ALG8: variants seen among roughly 807,000 people sequenced by gnomAD.
The protein encoded by ALG8 is dolichyl pyrophosphate Glc1Man9GlcNAc2 alpha-1,3-glucosyltransferase.
Under a neutral mutation model 70.2 loss-of-function variants are expected in ALG8, and 48 were observed. The observed-to-expected ratio is 0.68, with a 90% CI of 0.54 to 0.87. The LOEUF (loss-of-function observed/expected upper bound fraction) is 0.87, where lower values mean the gene tolerates loss of function less well. Ranked by LOEUF, ALG8 falls within the 40% of genes least tolerant of loss-of-function variation. The pLI is 0.00. For synonymous variants in ALG8, 234 were observed against 229.0 expected (o/e 1.02, Z -0.20); for missense variants, 572 against 608.7 (o/e 0.94, Z 0.64).
chr11:78,130,475 T>G (rs1402095945), intron 1 of ALG8, among the ~76,000 whole-genome samples: 1 of 152,114 alleles, frequency 6.6e-6, no homozygotes, highest in Non-Finnish European at 1.5e-5. Flanking sequence ...TACAGATGTA[T>G]TCACTTTGCA....
intron 1 of ALG8, among the ~76,000 whole-genome samples, chr11:78,132,730 T>G (rs1373404940): frequency 6.6e-6 from 1 of 152,134 alleles, no homozygotes; most frequent in Non-Finnish European, 1.5e-5. Flanking sequence ...ATTCACACTT[T>G]AGGCCTCCAA....
intron 5 of ALG8, among the ~76,000 whole-genome samples, chr11:78,118,446 T>C (rs566984766): frequency 6.7e-5 from 10 of 149,024 alleles, no homozygotes; most frequent in African/African-American, 2.5e-4. Context: ...TGAAACCCCA[T>C]CTCTAATAAA....
At chr11:78,111,286 G>C (rs1346400654) in intron 8 of ALG8, among the ~76,000 whole-genome samples, 1 of 152,184 alleles carries the variant, frequency 6.6e-6, no homozygotes, top group Non-Finnish European at 1.5e-5. Context: ...CTGAACTCAG[G>C]TTTGTCTGGC....
At chr11:78,123,039 G>A (rs1336818979) in intron 3 of ALG8, among the ~76,000 whole-genome samples, 1 of 152,118 alleles carries the variant, frequency 6.6e-6, no homozygotes, top group African/African-American at 2.4e-5. Flanking sequence ...TCGGTGCAGC[G>A]GCTCATGCCT....
chr11:78,105,659 A>G (rs1420883177), intron 10 of ALG8, among the ~76,000 whole-genome samples: 1 of 151,172 alleles, frequency 6.6e-6, no homozygotes, highest in African/African-American at 2.4e-5. Flanking sequence ...AAAAAAAAAA[A>G]AAAGAAAGGA....
At chr11:78,120,836 T>A (rs768271219) in intron 4 of ALG8, among the ~76,000 whole-genome samples, 3 of 152,206 alleles carry the variant, frequency 2.0e-5, no homozygotes, top group African/African-American at 7.2e-5. Flanking sequence ...GTTTTATTGA[T>A]GATTTAGCTG....
intron 1 of ALG8, 67 bp downstream of exon 1, chr11:78,139,427 C>G: frequency 6.8e-7 from 1 of 1,473,620 alleles, no homozygotes; most frequent in Admixed American, 2.0e-5. Context: ...ATATCCACAC[C>G]TTTCTCTCCC....
chr11:78,126,215 C>T (rs1213381461), intron 2 of ALG8, among the ~76,000 whole-genome samples: 1 of 151,428 alleles, frequency 6.6e-6, no homozygotes, highest in Non-Finnish European at 1.5e-5. Context: ...GTATTACACA[C>T]AGTTTAGTAA....
intron 1 of ALG8, chr11:78,135,319 C>T (rs1030364925): frequency 3.3e-5 from 5 of 150,712 alleles, no homozygotes; most frequent in Admixed American, 1.3e-4. Flanking sequence ...CATGCTACTG[C>T]ACTACAGCCT....
intron 10 of ALG8, among the ~76,000 whole-genome samples, chr11:78,105,872 C>T (rs1222466200): frequency 1.3e-5 from 2 of 151,986 alleles, no homozygotes; most frequent in East Asian, 3.9e-4. Flanking sequence ...CCATGCCTGG[C>T]TAATTTTTGT....
At position 78,104,031 on chromosome 11, in the gene ALG8, A is replaced by G; in HGVS notation, c.1298T>C (p.Leu433Pro). ...ACTATATATGGTGAATAGTAACATG[A>G]GTAAGATTTTAATGGGAAGTTCTGT... Reference protein sequence around the residue: ...TAPELPIKILLMLLFTIYSIS... With the variant: ...TAPELPIKILPMLLFTIYSIS... Residue 433 changes from leucine (L) to proline (P), a missense_variant, in exon 12 of 13, where the codon CTC becomes CCC. Transcript: ENST00000299626. 6.6e-7 allele frequency: 1 copy of G among 1,510,298 alleles called. No individual in the cohort carries two copies. The highest frequency in any genetic ancestry group is 9.2e-7 in the Non-Finnish European group (1 of 1,089,296). The allele number at this position is 1,510,298 out of a possible 1,614,324, so 93.6% of individuals were successfully genotyped here.
intron 1 of ALG8, among the ~76,000 whole-genome samples, chr11:78,131,090 C>CT (rs1265712081): frequency 6.6e-6 from 1 of 150,588 alleles, no homozygotes; most frequent in Non-Finnish European, 1.5e-5. Context: ...ACTATATAGA[C>CT]TTTTTCCAGT....
At position 78,119,175 on chromosome 11, in the gene ALG8, T is replaced by A. The variant is rs771817128; in HGVS notation, c.546+7A>T. On this transcript the variant is annotated splice_region_variant and intron_variant, in intron 5 of 12. Transcript: ENST00000299626. ...GGGAAAAAATCTAATTAAACAATTA[T>A]GTTTACCTGAAATAATCGTGCAATG... 1.4e-5 allele frequency: 22 copies of A among 1,595,368 alleles called. No homozygotes were observed. In the Middle Eastern group the frequency reaches 5.0e-4, roughly 36 times the overall value.
chr11:78,114,356 G>A lies in ALG8; in HGVS notation c.583C>T (p.Leu195Phe). ...HMEGAFLFAV[L>F]LHFKHIYLYV... is the part of the protein sequence containing the mutation. ...AGGTAGATATGCTTGAAATGTAGGA[G>A]AACAGCAAAGAGAAATGCTCCTTCC... Residue 195 changes from leucine to phenylalanine, a missense_variant, in exon 6 of 13, where the codon CTC becomes TTC. Transcript: ENST00000299626. 6.2e-7 allele frequency: 1 copy of A among 1,614,036 alleles called. No individual in the cohort carries two copies. Among genetic ancestry groups the A allele is most frequent in the Non-Finnish European group, 8.5e-7 (1 of 1,179,984 alleles).
chr11:78,116,518 G>A (rs1860578081), intron 5 of ALG8, among the ~76,000 whole-genome samples: 1 of 152,126 alleles, frequency 6.6e-6, no homozygotes, highest in African/African-American at 2.4e-5. Context: ...AGGAGATCCA[G>A]ACCATCTTGG....
At chr11:78,111,776 G>T (rs573205822) in intron 8 of ALG8, among the ~76,000 whole-genome samples, 84 of 151,966 alleles carry the variant, frequency 5.5e-4, no homozygotes, top group African/African-American at 1.9e-3. Flanking sequence ...ACAAATGAGA[G>T]ACTGTGTTAT....
intron 1 of ALG8, among the ~76,000 whole-genome samples, chr11:78,131,038 T>A (rs1387385385): frequency 6.6e-6 from 1 of 152,154 alleles, no homozygotes; most frequent in African/African-American, 2.4e-5. Context: ...ATTTACAAAA[T>A]CTGAGTGAGT....
intron 1 of ALG8, chr11:78,139,065 A>G (rs1861680556): frequency 2.9e-6 from 1 of 341,750 alleles, no homozygotes; most frequent in Admixed American, 4.3e-5. Context: ...TATTTCCTTT[A>G]TCACAATCTG....
rs201602294 is a variant in ALG8, at chr11:78,114,295, C to T, written c.644G>A (p.Arg215Gln). 6.8e-6 allele frequency: 11 copies of T among 1,613,910 alleles called. No individual in the cohort carries two copies. Among genetic ancestry groups the T allele is most frequent in the Admixed American group, 6.7e-5 (4 of 59,968 alleles). ...VAPAYGVYLL[R>Q]SYCFTANKPD... Reference sequence around the variant, plus strand: ...TTTATTTGCAGTGAAACAGTAGGATCGCAGCAGATATACACCATAAGCTGG... The same window carrying T: ...TTTATTTGCAGTGAAACAGTAGGATTGCAGCAGATATACACCATAAGCTGG... Residue 215 changes from arginine (R) to glutamine (Q), a missense_variant, in exon 6 of 13, where the codon CGA becomes CAA. Transcript: ENST00000299626.
Sources: allele counts gnomAD v4.1 joint callset (sites outside exome capture counted in the v4.1 genomes callset), GRCh38; gene constraint gnomAD v4.1.1; transcripts MANE v1.5; gene names NCBI Gene and HGNC (gene_info 2026-07-23, HGNC 2026-07-21).